PAPPA2: variants seen among roughly 807,000 people sequenced by gnomAD.
PAPPA2 encodes pappalysin-2.
Under a neutral mutation model 176.4 loss-of-function variants are expected in PAPPA2, and 86 were observed. The ratio of observed to expected loss-of-function variants is 0.49; its 90% CI spans 0.41 to 0.58. The LOEUF (loss-of-function observed/expected upper bound fraction) is 0.58. Among genes scored for constraint, PAPPA2 ranks in the 20% least tolerant of loss-of-function variants. The pLI is 0.00. For synonymous variants in PAPPA2, 809 were observed against 852.2 expected (o/e 0.95, Z 0.88); for missense variants, 2,073 against 2,256.9 (o/e 0.92, Z 1.65).
rs756477636 is a variant in PAPPA2 at position 176,769,689 on chromosome 1, C to T, written c.4406C>T (p.Pro1469Leu). 16 of 1,613,940 alleles carry T rather than the reference C, an allele frequency of 9.9e-6. No homozygotes were observed. The highest frequency in any genetic ancestry group is 4.4e-5 in the South Asian group (4 of 91,054). ...CLPVDCGVPD[P>L]SLVNYANFSC... ...CCCGTGGACTGCGGTGTTCCCGACC[C>T]GTCTTTGGTGAACTATGCAAACTTC... is the stretch of plus-strand genomic sequence containing the variant. The change falls in exon 16 of 23, where the codon CCG becomes CTG. Residue 1469 changes from proline to leucine, a missense_variant. By Grantham distance (98) the Pro-to-Leu change is moderately conservative. Transcript: ENST00000367662.
At chr1:176,597,331 T>C (rs1048507311) in intron 3 of PAPPA2, among the ~76,000 whole-genome samples, 1 of 152,216 alleles carries the variant, frequency 6.6e-6, no homozygotes, top group African/African-American at 2.4e-5. Context: ...GGAAAGTAGC[T>C]CTAAAGTTTT....
chr1:176,578,657 G>A (rs1042389346), intron 2 of PAPPA2, among the ~76,000 whole-genome samples: 2 of 152,202 alleles, frequency 1.3e-5, no homozygotes, highest in Non-Finnish European at 2.9e-5. Context: ...GGTAGTCAAG[G>A]AAGACTTCAT....
intron 2 of PAPPA2, among the ~76,000 whole-genome samples, chr1:176,588,051 T>C (rs1383973554): frequency 6.6e-6 from 1 of 152,236 alleles, no homozygotes; most frequent in Non-Finnish European, 1.5e-5. Context: ...GAGGATGGAA[T>C]GTTTTTCCAT....
chr1:176,722,152 T>C (rs1661652758), intron 12 of PAPPA2, among the ~76,000 whole-genome samples: 1 of 152,154 alleles, frequency 6.6e-6, no homozygotes, highest in Non-Finnish European at 1.5e-5. Context: ...ATCACAATCA[T>C]TTTTAAGTCT....
At chr1:176,646,076 A>C (rs1657382771) in intron 3 of PAPPA2, among the ~76,000 whole-genome samples, 1 of 151,522 alleles carries the variant, frequency 6.6e-6, no homozygotes, top group Admixed American at 6.6e-5. Context: ...TTTGCAGTGC[A>C]AAAGTTTTTT....
At chr1:176,771,327 C>T (rs1664215076) in intron 17 of PAPPA2, 147 bp downstream of exon 17, 1 of 732,358 alleles carries the variant, frequency 1.4e-6, no homozygotes, top group South Asian at 1.8e-5. Context: ...TAAATATATT[C>T]TCTCCAATAG....
At chr1:176,684,615 A>C (rs1248101455) in intron 4 of PAPPA2, among the ~76,000 whole-genome samples, 1 of 152,172 alleles carries the variant, frequency 6.6e-6, no homozygotes, top group African/African-American at 2.4e-5. Flanking sequence ...CTCCAATATA[A>C]GGAATGATAA....
intron 11 of PAPPA2, among the ~76,000 whole-genome samples, chr1:176,711,270 T>C (rs1661129512): frequency 6.6e-6 from 1 of 152,168 alleles, no homozygotes; most frequent in Non-Finnish European, 1.5e-5. Context: ...AATTCTAGCA[T>C]CTTGCTCTTT....
intron 9 of PAPPA2, among the ~76,000 whole-genome samples, chr1:176,704,139 G>A (rs572452137): frequency 6.1e-4 from 91 of 150,380 alleles, no homozygotes; most frequent in African/African-American, 2.1e-3. Flanking sequence ...GGGCTTGAAA[G>A]GGGTGGAGGG....
At chr1:176,654,611 G>A (rs964116515) in intron 3 of PAPPA2, among the ~76,000 whole-genome samples, 18 of 149,944 alleles carry the variant, frequency 1.2e-4, no homozygotes, top group Admixed American at 3.3e-4. Context: ...CTAATTCTTT[G>A]AAAAAATGTT....
chr1:176,702,745 TTGTGTGTG>T lies in PAPPA2; in HGVS notation c.3365+35_3365+42del. The T allele has an allele frequency of 5.0e-6, 6 of 1,198,466 alleles. No homozygotes were observed. The highest frequency in any genetic ancestry group is 2.9e-5 in the East Asian group (1 of 34,334). The allele number at this position is 1,198,466 out of a possible 1,614,324, so 74.2% of individuals were successfully genotyped here. A position where few individuals can be genotyped will look rare whatever the true frequency, so the allele number is the denominator to read the frequency against. Reference sequence around the variant, plus strand: ...ATGGGAAGGTGTCAGAGTGAGTATTTTGTGTGTGTGTGTGTGTGTGTGTGTGTGTGTGA... The same window carrying T: ...ATGGGAAGGTGTCAGAGTGAGTATTTTGTGTGTGTGTGTGTGTGTGTGTGA... On this transcript the variant is annotated intron_variant, in intron 9 of 22. Coordinates refer to ENST00000367662, the MANE Select transcript of PAPPA2 (RefSeq NM_020318.3).
At chr1:176,705,902 T>A (rs1660861650) in intron 9 of PAPPA2, among the ~76,000 whole-genome samples, 1 of 152,188 alleles carries the variant, frequency 6.6e-6, no homozygotes, top group African/African-American at 2.4e-5. Flanking sequence ...TGCACCTTTA[T>A]GTAACAAAAC....
At chr1:176,671,148 A>G in intron 4 of PAPPA2, 33 bp downstream of exon 4, 1 of 1,605,172 alleles carries the variant, frequency 6.2e-7, no homozygotes, top group Non-Finnish European at 8.5e-7. Context: ...ATAGTAGGAA[A>G]AAAACAAAGA....
At position 176,476,881 on chromosome 1, in the gene PAPPA2, G is replaced by T. The variant is rs185485704; in HGVS notation, c.-917+13463G>T. 7.4e-4 allele frequency among the ~76,000 whole-genome samples: 113 copies of T among 152,270 alleles called. No individual in the cohort carries two copies. The Middle Eastern group carries it at 0.01, about 14-fold the overall frequency. Reference sequence around the variant, plus strand: ...TGAAATCAATAGTCTATGTCCTTCTGTTTGCACTTGGATATTTGCCTGGGG... The same window carrying T: ...TGAAATCAATAGTCTATGTCCTTCTTTTTGCACTTGGATATTTGCCTGGGG... On this transcript the variant is annotated intron_variant, in intron 1 of 22. Coordinates refer to ENST00000367662, the MANE Select transcript of PAPPA2 (RefSeq NM_020318.3).
intron 4 of PAPPA2, among the ~76,000 whole-genome samples, chr1:176,674,662 A>G (rs900651266): frequency 6.6e-6 from 1 of 151,212 alleles, no homozygotes; most frequent in African/African-American, 2.4e-5. Context: ...CCACTCATTG[A>G]TTAATGGACG....
chr1:176,557,146 G>T lies in PAPPA2; in HGVS notation c.824G>T (p.Arg275Leu). 6.2e-7 allele frequency: 1 copy of T among 1,613,910 alleles called. No individual in the cohort carries two copies. The highest frequency in any genetic ancestry group is 8.5e-7 in the Non-Finnish European group (1 of 1,179,996). Residue 275 changes from arginine (R) to leucine (L), a missense_variant, in exon 2 of 23, where the codon CGT becomes CTT. Arg to Leu is a moderately radical substitution (Grantham distance 102). Transcript: ENST00000367662. The part of the protein sequence containing the change: ...FSGRRERLLL[R>L]PEVLAEIPRE... The stretch of plus-strand genomic sequence containing the variant: ...GGGAGGCGGGAGCGGCTGCTGCTGC[G>T]TCCAGAAGTGCTGGCTGAGATTCCC...
intron 3 of PAPPA2, among the ~76,000 whole-genome samples, chr1:176,612,263 G>T (rs1015401100): frequency 1.3e-5 from 2 of 152,064 alleles, no homozygotes; most frequent in African/African-American, 2.4e-5. Context: ...GCGTGGTGGT[G>T]CATGCCTATA....
intron 1 of PAPPA2, among the ~76,000 whole-genome samples, chr1:176,552,226 T>C (rs1295151497): frequency 6.6e-6 from 1 of 151,896 alleles, no homozygotes; most frequent in Non-Finnish European, 1.5e-5. Context: ...CCTCTTCTCT[T>C]CTCTACTTCT....
chr1:176,473,060 A>G lies in PAPPA2; in HGVS notation c.-917+9642A>G, dbSNP rs548962888. Among the ~76,000 whole-genome samples, 25 of 152,276 alleles carry G rather than the reference A, an allele frequency of 1.6e-4. No homozygotes were observed. In the South Asian group the frequency reaches 5.2e-3, roughly 32 times the overall value. ...TCACCCAAAGTCCATAGTTTATATT[A>G]AGGTTCACTTTTGGTGCTTACATTC... On this transcript the variant is annotated intron_variant, in intron 1 of 22. Coordinates refer to ENST00000367662, the MANE Select transcript of PAPPA2 (RefSeq NM_020318.3).
Sources: allele counts gnomAD v4.1 joint callset (sites outside exome capture counted in the v4.1 genomes callset), GRCh38; gene constraint gnomAD v4.1.1; transcripts MANE v1.5; gene names NCBI Gene and HGNC (gene_info 2026-07-23, HGNC 2026-07-21).